The following ALKBH1 variants were observed in gnomAD, a reference collection of about 807,000 sequenced individuals.
ALKBH1 encodes the protein nucleic acid dioxygenase ALKBH1.
Under a neutral mutation model 36.6 loss-of-function variants are expected in ALKBH1, and 31 were observed. The observed-to-expected ratio is 0.85, with a 90% confidence interval of 0.64 to 1.14. ALKBH1 has a LOEUF of 1.14. ALKBH1 is among the 50% of genes most tolerant of loss of function. The pLI is 0.00. For synonymous variants in ALKBH1, 183 were observed against 186.6 expected, an observed-to-expected ratio of 0.98 and a Z score of 0.16; for missense variants, 490 against 497.3, an observed-to-expected ratio of 0.99 and a Z score of 0.14.
At chr14:77,681,479 G>C (rs544431823) in intron 3 of ALKBH1, among the ~76,000 whole-genome samples, 1 of 152,182 alleles carries the variant, frequency 6.6e-6, no homozygotes, top group Non-Finnish European at 1.5e-5. Context: ...GATGTTTGAC[G>C]AAGAGTTTAC....
intron 3 of ALKBH1, among the ~76,000 whole-genome samples, chr14:77,680,782 C>T (rs1365584340): frequency 1.3e-5 from 2 of 151,152 alleles, no homozygotes; most frequent in African/African-American, 4.9e-5. Flanking sequence ...CAGGTTCAAG[C>T]AATTCTCCTG....
chr14:77,706,904 A>G (rs966256130), intron 1 of ALKBH1, among the ~76,000 whole-genome samples: 7 of 152,206 alleles, frequency 4.6e-5, no homozygotes, highest in African/African-American at 1.7e-4. Flanking sequence ...GAAGCTTGGA[A>G]AGAATGCCTC....
chr14:77,695,473 C>A (rs780658166), intron 2 of ALKBH1, among the ~76,000 whole-genome samples: 1 of 152,168 alleles, frequency 6.6e-6, no homozygotes, highest in Non-Finnish European at 1.5e-5. Flanking sequence ...TAATGGAAGA[C>A]TGGAGGGCGG....
chr14:77,680,896 G>A (rs944516394), intron 3 of ALKBH1, among the ~76,000 whole-genome samples: 3 of 151,784 alleles, frequency 2.0e-5, no homozygotes, highest in African/African-American at 4.8e-5. Context: ...GGCTGGTCTC[G>A]AACTCCTGAC....
At chr14:77,681,650 AC>A (rs2080238778) in intron 3 of ALKBH1, among the ~76,000 whole-genome samples, 2 of 152,348 alleles carry the variant, frequency 1.3e-5, no homozygotes, top group Middle Eastern at 3.4e-3. Context: ...TGGTCTGCTT[AC>A]AAAGATGGTC....
intron 4 of ALKBH1, among the ~76,000 whole-genome samples, chr14:77,678,911 G>A (rs1318325080): frequency 2.0e-5 from 3 of 151,998 alleles, no homozygotes; most frequent in Non-Finnish European, 4.4e-5. Context: ...TGCCTCCCAG[G>A]CTCAAGCGAT....
chr14:77,693,887 T>C (rs190637279), intron 3 of ALKBH1, among the ~76,000 whole-genome samples: 1 of 152,256 alleles, frequency 6.6e-6, no homozygotes. Context: ...CTCAGGAGAC[T>C]GAGGCAGGAG....
chr14:77,694,901 C>T lies in ALKBH1; in HGVS notation c.293-1G>A, dbSNP rs2080318796. 2 of 1,504,740 alleles carry T rather than the reference C, an allele frequency of 1.3e-6. No homozygotes were observed. The highest frequency in any genetic ancestry group is 1.8e-6 in the Non-Finnish European group (2 of 1,129,374). The allele number at this position is 1,504,740 out of a possible 1,614,324, so 93.2% of individuals were successfully genotyped here. A position where few individuals can be genotyped will look rare whatever the true frequency, so the allele number is the denominator to read the frequency against. On this transcript the variant is annotated splice_acceptor_variant, in intron 2 of 5. Coordinates refer to ENST00000216489, the MANE Select transcript of ALKBH1 (RefSeq NM_006020.3). LOFTEE classifies it high-confidence loss of function. ...AAGGGGTTTGGGATAAAAATAAACC[C>T]TATACAAAAGATGGGTGGGAAAAAA...
chr14:77,703,896 C>A (rs577159067), intron 2 of ALKBH1, among the ~76,000 whole-genome samples: 5 of 152,194 alleles, frequency 3.3e-5, no homozygotes, highest in African/African-American at 4.8e-5. Context: ...CCACGCCTGG[C>A]GAGGACTTTT....
At chr14:77,703,015 G>A (rs2080367997) in intron 2 of ALKBH1, among the ~76,000 whole-genome samples, 1 of 152,058 alleles carries the variant, frequency 6.6e-6, no homozygotes, top group Admixed American at 6.5e-5. Context: ...AGCTGGGCGT[G>A]GTGGCATATA....
At chr14:77,675,610 GA>G (rs754726432) in intron 5 of ALKBH1, 45 bp downstream of exon 5, 11 of 1,516,822 alleles carry the variant, frequency 7.3e-6, no homozygotes, top group Admixed American at 5.7e-5. Context: ...TTAGAAAAAA[GA>G]ATTAAATGAT....
chr14:77,679,905 C>T lies in ALKBH1; in HGVS notation c.521G>A (p.Gly174Asp), dbSNP rs1595048421. Residue 174 changes from glycine (G) to aspartate (D), a missense_variant, in exon 4 of 6, where the codon GGC (glycine) becomes GAC (aspartate). By Grantham distance (94) the Gly-to-Asp change is moderately conservative (BLOSUM62 -1). Coordinates refer to ENST00000216489, the MANE Select transcript of ALKBH1 (RefSeq NM_006020.3). ...LLEKLRWVTV[G>D]YHYNWDSKKY... ...CTTACTGTCCCAGTTATAATGGTAG[C>T]CTACGGTCACCCAACGCAGTTTCTC... 1.9e-6 allele frequency: 3 copies of T among 1,614,104 alleles called. No individual in the cohort carries two copies. The highest frequency in any genetic ancestry group is 1.7e-6 in the Non-Finnish European group (2 of 1,179,950).
At chr14:77,706,564 A>C (rs920744607) in intron 1 of ALKBH1, among the ~76,000 whole-genome samples, 1 of 152,212 alleles carries the variant, frequency 6.6e-6, no homozygotes, top group African/African-American at 2.4e-5. Flanking sequence ...CTGAGGAACT[A>C]AACACCCAAG....
At chr14:77,706,937 C>T (rs1003648976) in intron 1 of ALKBH1, among the ~76,000 whole-genome samples, 2 of 152,032 alleles carry the variant, frequency 1.3e-5, no homozygotes, top group Non-Finnish European at 2.9e-5. Flanking sequence ...GTGGACAACA[C>T]CAAGAGCAAA....
chr14:77,681,973 T>C (rs1414510390), intron 3 of ALKBH1, among the ~76,000 whole-genome samples: 1 of 152,244 alleles, frequency 6.6e-6, no homozygotes, highest in Non-Finnish European at 1.5e-5. Context: ...TTCCCTTTGC[T>C]GATCTTGCTT....
chr14:77,678,747 G>A (rs562844766), intron 4 of ALKBH1, among the ~76,000 whole-genome samples: 1 of 152,048 alleles, frequency 6.6e-6, no homozygotes. Flanking sequence ...CGTAGCTCAA[G>A]AAAACACGAA....
chr14:77,674,516 A>G (rs988972552), intron 5 of ALKBH1, among the ~76,000 whole-genome samples: 1 of 151,776 alleles, frequency 6.6e-6, no homozygotes, highest in African/African-American at 2.4e-5. Flanking sequence ...TGGAGAACTT[A>G]GCTTTAATGT....
chr14:77,678,878 C>A (rs1200743461), intron 4 of ALKBH1, among the ~76,000 whole-genome samples: 1 of 152,004 alleles, frequency 6.6e-6, no homozygotes, highest in South Asian at 2.1e-4. Context: ...TGCAGTGGTG[C>A]GATCTTGGCT....
intron 2 of ALKBH1, among the ~76,000 whole-genome samples, chr14:77,700,181 C>G (rs777033965): frequency 2.0e-5 from 3 of 152,146 alleles, no homozygotes; most frequent in Non-Finnish European, 4.4e-5. Context: ...TATGGTTCAG[C>G]TGAAAGGAGG....
Sources: allele counts gnomAD v4.1 joint callset (sites outside exome capture counted in the v4.1 genomes callset), GRCh38; gene constraint gnomAD v4.1.1; transcripts MANE v1.5; gene names NCBI Gene and HGNC (gene_info 2026-07-23, HGNC 2026-07-21).